Variants in DST observed in about 807,000 individuals in gnomAD.
The protein encoded by DST is dystonin.
In DST, 253 loss-of-function variants were observed where a neutral mutation model predicts 875.2. The ratio of observed to expected loss-of-function variants is 0.29; its 90% CI spans 0.26 to 0.32. The LOEUF is 0.32. Ranked by LOEUF, DST falls within the 10% of genes least tolerant of loss-of-function variation. DST has a pLI of 1.00. For synonymous variants in DST, 3,124 were observed against 3,197.1 expected, an observed-to-expected ratio of 0.98 and a Z score of 0.77; for missense variants, 8,287 against 9,111.6, an observed-to-expected ratio of 0.91 and a Z score of 3.68.
At chr6:56,729,522 G>A (rs1227537971) in intron 5 of DST, among the ~76,000 whole-genome samples, 8 of 151,926 alleles carry the variant, frequency 5.3e-5, no homozygotes, top group East Asian at 3.9e-4. Flanking sequence ...CCCAGGAGGC[G>A]GAGATTGCGG....
intron 5 of DST, among the ~76,000 whole-genome samples, chr6:56,725,275 G>T (rs1320958536): frequency 1.3e-5 from 2 of 152,186 alleles, no homozygotes; most frequent in Non-Finnish European, 2.9e-5. Flanking sequence ...CACTGAGGCA[G>T]ACTCCAGGTA....
intron 2 of DST, among the ~76,000 whole-genome samples, chr6:56,913,365 C>T (rs1799546059): frequency 1.3e-5 from 2 of 152,184 alleles, no homozygotes. Flanking sequence ...TAAGTATCTG[C>T]TCGAGGACTG....
chr6:56,479,866 G>A (rs1432880696), intron 90 of DST, among the ~76,000 whole-genome samples: 1 of 152,162 alleles, frequency 6.6e-6, no homozygotes, highest in Non-Finnish European at 1.5e-5. Context: ...AACAAGTCCA[G>A]TCCCTACTAT....
At chr6:56,623,433 T>C (rs1034567632) in intron 36 of DST, among the ~76,000 whole-genome samples, 2 of 152,088 alleles carry the variant, frequency 1.3e-5, no homozygotes, top group African/African-American at 2.4e-5. Context: ...GCATTTAAGA[T>C]GGTCACAAAT....
intron 4 of DST, among the ~76,000 whole-genome samples, chr6:56,762,842 AC>A (rs1424323737): frequency 1.8e-5 from 2 of 113,020 alleles, no homozygotes; most frequent in East Asian, 2.6e-4. Context: ...CGAGAACACC[AC>A]CTTTTTTTTT....
At chr6:56,474,350 G>A (rs1182800713) in intron 92 of DST, 3 of 192,840 alleles carry the variant, frequency 1.6e-5, no homozygotes, top group African/African-American at 4.8e-5. Context: ...CAGGCATGGT[G>A]GTGCACGCCT....
In DST at chr6:56,645,939, T is replaced by G; in HGVS notation, c.1705A>C (p.Ile569Leu). Residue 569 changes from isoleucine (I) to leucine (L), a missense_variant, in exon 15 of 104, where the codon ATA becomes CTA. Physicochemically the swap from Ile to Leu is conservative, Grantham distance 5. This residue lies in a region of DST where 1,160 missense variants were observed against 1,424.3 expected (regional missense o/e 0.81). Coordinates refer to ENST00000680361, the MANE Select transcript of DST (RefSeq NM_001374736.1). ...KLLQGYHPNDIEKEWGKLIIA... is the reference protein window; with the variant it reads ...KLLQGYHPNDLEKEWGKLIIA... ...ATGAGTTTCCCCCACTCTTTTTCTA[T>G]GTCATTTGGATGATAACCTTGAAGG... is the stretch of plus-strand genomic sequence containing the variant. 6.2e-7 allele frequency: 1 copy of G among 1,613,858 alleles called. No individual in the cohort carries two copies. Among genetic ancestry groups the G allele is most frequent in the Non-Finnish European group, 8.5e-7 (1 of 1,179,780 alleles).
chr6:56,707,697 C>G (rs995623784), intron 5 of DST, among the ~76,000 whole-genome samples: 1 of 152,342 alleles, frequency 6.6e-6, no homozygotes, highest in East Asian at 1.9e-4. Context: ...GAACACTTAT[C>G]TCATAGTAAG....
intron 3 of DST, among the ~76,000 whole-genome samples, chr6:56,880,172 T>A (rs949391198): frequency 6.6e-6 from 1 of 152,252 alleles, no homozygotes; most frequent in African/African-American, 2.4e-5. Context: ...AATTTTCTCT[T>A]AGCTAAAGTT....
At chr6:56,469,994 C>A in intron 96 of DST, 37 bp from the exon 97 acceptor site, 1 of 1,601,112 alleles carries the variant, frequency 6.2e-7, no homozygotes, top group South Asian at 1.1e-5. Context: ...ACTTTAATGT[C>A]AATATTACAT....
chr6:56,574,198 C>T (rs945423196), intron 50 of DST, among the ~76,000 whole-genome samples: 2 of 151,884 alleles, frequency 1.3e-5, no homozygotes, highest in South Asian at 2.1e-4. Context: ...AAGAGTAGTC[C>T]GAACAGCAAA....
rs752649599 is a variant in DST at position 56,607,613 on chromosome 6, A to G, written c.7015T>C (p.Cys2339Arg). ...DPKVNSSPSV[C>R]VPSLISYLTQ... ...AAATATGATATGAGACTGGGAACAC[A>G]CACACTGGGTGAACTGTTAACTTTA... The change falls in exon 40 of 104, where the codon TGT (cysteine) becomes CGT (arginine). Residue 2339 changes from cysteine (C) to arginine (R), a missense_variant. By Grantham distance (180) the Cys-to-Arg change is radical. Coordinates refer to ENST00000680361, the MANE Select transcript of DST (RefSeq NM_001374736.1). The G allele has an allele frequency of 1.2e-6, 2 of 1,613,280 alleles. No individual in the cohort carries two copies. The highest frequency in any genetic ancestry group is 3.3e-5 in the Admixed American group (2 of 59,858).
chr6:56,749,351 C>G (rs1320261906), intron 4 of DST, among the ~76,000 whole-genome samples: 1 of 151,992 alleles, frequency 6.6e-6, no homozygotes, highest in Non-Finnish European at 1.5e-5. Flanking sequence ...ATGACTGTGT[C>G]TCAAAAAAAT....
intron 4 of DST, among the ~76,000 whole-genome samples, chr6:56,817,280 A>C (rs2099767700): frequency 6.6e-6 from 1 of 152,234 alleles, no homozygotes. Context: ...ACAAGAATAG[A>C]AATAGTTCTA....
intron 90 of DST, among the ~76,000 whole-genome samples, chr6:56,478,745 G>A (rs1380319515): frequency 6.6e-6 from 1 of 152,204 alleles, no homozygotes. Context: ...AGAGGCCGCA[G>A]AGATCGATGA....
chr6:56,569,854 A>G lies in DST; in HGVS notation c.13878+2T>C. 1 of 1,606,064 alleles carries G rather than the reference A, an allele frequency of 6.2e-7. No homozygotes were observed. The highest frequency in any genetic ancestry group is 8.5e-7 in the Non-Finnish European group (1 of 1,177,448). On this transcript the variant is annotated splice_donor_variant, in intron 54 of 103. Coordinates refer to ENST00000680361, the MANE Select transcript of DST (RefSeq NM_001374736.1). LOFTEE classifies it high-confidence loss of function. ...ATTTAGTATTAGATAACAATGATTC[A>G]CCTTAGTGTCTTCCAAAGATTTTCC...
intron 12 of DST, among the ~76,000 whole-genome samples, chr6:56,650,192 A>G (rs114761607): frequency 0.012 from 1,849 of 152,160 alleles, 31 homozygotes; most frequent in African/African-American, 0.042. Context: ...CTTCAAAGTA[A>G]TGTAGGGGAA....
In DST at chr6:56,511,011, A is replaced by G. The variant is rs112876600; in HGVS notation, c.18780+186T>C. Among the ~76,000 whole-genome samples, 570 of 152,314 alleles carry G rather than the reference A, an allele frequency of 3.7e-3. 6 individuals are homozygous for G. Among genetic ancestry groups the G allele is most frequent in the African/African-American group, 0.013 (555 of 41,552 alleles). The stretch of plus-strand genomic sequence containing the variant: ...TTGTATTATATCTATAAGCAGGCAG[A>G]GAAAGATAAGGAGATAAAGGCTGGA... On this transcript the variant is annotated intron_variant, in intron 73 of 103. Transcript: ENST00000680361.
In DST at chr6:56,692,578, C is replaced by T. The variant is rs1461339679; in HGVS notation, c.1047+7075G>A. On this transcript the variant is annotated intron_variant, in intron 9 of 103. Transcript: ENST00000680361. Reference sequence around the variant, plus strand: ...ACTTTTTTCGAGTGATCTTTCTATACCCGAGGGAATAGAGCTTAAGCTGGC... The same window carrying T: ...ACTTTTTTCGAGTGATCTTTCTATATCCGAGGGAATAGAGCTTAAGCTGGC... The T allele has an allele frequency of 3.9e-6, 5 of 1,289,580 alleles. No individual in the cohort carries two copies. In the South Asian group the frequency reaches 6.2e-5, roughly 16 times the overall value. 79.9% of individuals were successfully genotyped at this position (1,289,580 alleles called of 1,614,324 possible). A position where few individuals can be genotyped will look rare whatever the true frequency, so the allele number is the denominator to read the frequency against.
Sources: gnomAD v4.1 joint callset for allele counts (sites outside exome capture counted in the v4.1 genomes callset) on GRCh38, gnomAD v4.1.1 for gene constraint, gnomAD v4.1.1 regional missense constraint, MANE v1.5 for transcripts, NCBI Gene and HGNC (gene_info 2026-07-23, HGNC 2026-07-21) for gene names.